The following TAPT1 variants were observed in gnomAD, a reference collection of about 807,000 sequenced individuals.
The protein encoded by TAPT1 is transmembrane anterior posterior transformation protein 1 homolog.
TAPT1 carries 28 observed loss-of-function variants against 65.6 expected under a neutral mutation model. That is an observed-to-expected ratio of 0.43 (90% confidence interval 0.32 to 0.59). The LOEUF (loss-of-function observed/expected upper bound fraction) is 0.59. TAPT1 is among the 20% of genes least tolerant of loss of function. TAPT1 has a pLI of 0.09. For synonymous variants in TAPT1, 278 were observed against 245.2 expected, an observed-to-expected ratio of 1.13 and a Z score of -1.25; for missense variants, 563 against 679.9, an observed-to-expected ratio of 0.83 and a Z score of 1.91.
chr4:16,194,832 C>T (rs1262611391), intron 3 of TAPT1, among the ~76,000 whole-genome samples: 2 of 151,034 alleles, frequency 1.3e-5, no homozygotes, highest in African/African-American at 4.9e-5. Flanking sequence ...GAAGCAGAAC[C>T]TTTAAAAAAC....
chr4:16,215,997 TC>T (rs2108892685), intron 1 of TAPT1: 1 of 152,356 alleles, frequency 6.6e-6, no homozygotes, highest in African/African-American at 2.4e-5. Flanking sequence ...AAGTATCAGT[TC>T]TTTCATGTAA....
chr4:16,168,612 C>T (rs1186159293), intron 12 of TAPT1, among the ~76,000 whole-genome samples: 2 of 152,248 alleles, frequency 1.3e-5, no homozygotes, highest in Admixed American at 6.5e-5. Flanking sequence ...CCTGCCCTGG[C>T]CACCCTCTAA....
intron 1 of TAPT1, among the ~76,000 whole-genome samples, chr4:16,222,652 T>C (rs1258370683): frequency 6.6e-6 from 1 of 152,224 alleles, no homozygotes; most frequent in East Asian, 1.9e-4. Context: ...GTAATATGAA[T>C]AGTTAAAACC....
intron 7 of TAPT1, among the ~76,000 whole-genome samples, chr4:16,181,709 A>C (rs1748721364): frequency 6.6e-6 from 1 of 152,182 alleles, no homozygotes; most frequent in Non-Finnish European, 1.5e-5. Context: ...CTGGGATTAC[A>C]GGCATGTGCC....
In TAPT1 at chr4:16,200,073, T is replaced by C. The variant is rs909325215; in HGVS notation, c.449+2389A>G. Reference sequence around the variant, plus strand: ...CTGGCAAATCACCACTGTTACTTAGTATACCTCATACGTGTGCTAACCAAT... The same window carrying C: ...CTGGCAAATCACCACTGTTACTTAGCATACCTCATACGTGTGCTAACCAAT... On this transcript the variant is annotated intron_variant, in intron 3 of 13. Coordinates refer to ENST00000405303, the MANE Select transcript of TAPT1 (RefSeq NM_153365.3). Among the ~76,000 whole-genome samples the C allele has an allele frequency of 2.6e-5, 4 of 152,176 alleles. No individual in the cohort carries two copies. The South Asian group carries it at 8.3e-4, about 32-fold the overall frequency.
intron 7 of TAPT1, 131 bp from the exon 8 acceptor site, chr4:16,179,788 TTATA>T (rs757324466): frequency 4.6e-6 from 2 of 431,726 alleles, no homozygotes; most frequent in South Asian, 4.1e-5. Context: ...ATATACAACT[TTATA>T]TATATATATA....
At chr4:16,218,124 C>T (rs933752853) in intron 1 of TAPT1, among the ~76,000 whole-genome samples, 6 of 152,194 alleles carry the variant, frequency 3.9e-5, no homozygotes, top group African/African-American at 1.2e-4. Flanking sequence ...TATTTGGGGC[C>T]GGGCATAGTG....
At chr4:16,204,368 TG>T (rs2149705608) in intron 2 of TAPT1, among the ~76,000 whole-genome samples, 1 of 152,344 alleles carries the variant, frequency 6.6e-6, no homozygotes, top group East Asian at 1.9e-4. Context: ...GGGAACACAC[TG>T]GGAAGTTCTT....
At chr4:16,203,468 A>G (rs1750164289) in intron 2 of TAPT1, among the ~76,000 whole-genome samples, 1 of 152,202 alleles carries the variant, frequency 6.6e-6, no homozygotes, top group South Asian at 2.1e-4. Context: ...AGGTAATTTA[A>G]GTTCCTATGT....
intron 11 of TAPT1, among the ~76,000 whole-genome samples, chr4:16,171,840 G>T (rs1004032683): frequency 1.8e-4 from 27 of 152,224 alleles, no homozygotes; most frequent in African/African-American, 6.3e-4. Context: ...CATATTATCA[G>T]TTAACTTTTA....
intron 4 of TAPT1, among the ~76,000 whole-genome samples, chr4:16,189,481 C>G (rs1289652488): frequency 2.6e-5 from 4 of 152,196 alleles, no homozygotes; most frequent in African/African-American, 9.7e-5. Flanking sequence ...ATTTAGGGAG[C>G]TCCTACCATG....
intron 4 of TAPT1, chr4:16,190,866 C>T (rs1321563833): frequency 1.3e-5 from 2 of 155,022 alleles, no homozygotes; most frequent in African/African-American, 4.8e-5. Flanking sequence ...TTTATTTACC[C>T]TATGTAAAGA....
rs1004014520 is a variant in TAPT1 at position 16,166,706 on chromosome 4, C to G, written c.1401G>C (p.Leu467=). 6.2e-7 allele frequency: 1 copy of G among 1,613,978 alleles called. No individual in the cohort carries two copies. The highest frequency in any genetic ancestry group is 8.5e-7 in the Non-Finnish European group (1 of 1,179,892). The change falls in exon 13 of 14, where the codon CTG becomes CTC. Residue 467 remains leucine, a synonymous_variant. Coordinates refer to ENST00000405303, the MANE Select transcript of TAPT1 (RefSeq NM_153365.3). The part of the protein sequence containing the change: ...YVKEAKMEEK[L]SNPPATCTPG... ...GAGTGCAGGTTGCGGGAGGATTCGA[C>G]AGCTTCTCTTCCATTTTGGCTTCCT...
At chr4:16,224,148 T>G (rs887113186) in intron 1 of TAPT1, among the ~76,000 whole-genome samples, 1 of 152,170 alleles carries the variant, frequency 6.6e-6, no homozygotes, top group Admixed American at 6.5e-5. Context: ...CTAGTTTGAT[T>G]CAGGGAGAAA....
intron 11 of TAPT1, among the ~76,000 whole-genome samples, chr4:16,171,195 T>C (rs535771115): frequency 6.6e-6 from 1 of 152,316 alleles, no homozygotes; most frequent in East Asian, 1.9e-4. Flanking sequence ...CTTTCTTCTT[T>C]GACTCTTTTA....
chr4:16,176,246 A>G lies in TAPT1; in HGVS notation c.998-18T>C. ...GAGATGATCTGTAAATAGAAAAAAG[A>G]AAAACAACGAAATATCTTAATATGA... is the stretch of plus-strand genomic sequence containing the variant. On this transcript the variant is annotated intron_variant, in intron 8 of 13. Transcript: ENST00000405303. 1 of 1,287,756 alleles carries G rather than the reference A, an allele frequency of 7.8e-7. No individual in the cohort carries two copies. Among genetic ancestry groups the G allele is most frequent in the Non-Finnish European group, 1.1e-6 (1 of 930,228 alleles). The allele number at this position is 1,287,756 out of a possible 1,614,324, so 79.8% of individuals were successfully genotyped here. A position where few individuals can be genotyped will look rare whatever the true frequency, so the allele number is the denominator to read the frequency against.
At chr4:16,208,701 T>C (rs1578471194) in intron 2 of TAPT1, among the ~76,000 whole-genome samples, 2 of 152,236 alleles carry the variant, frequency 1.3e-5, no homozygotes, top group Non-Finnish European at 2.9e-5. Context: ...TCTTTTCTTC[T>C]AGATTTGTTG....
Position 16,202,726 on chromosome 4 carries a change from C to T in TAPT1, c.331-146G>A, listed in dbSNP as rs35899968. 149,744 of 516,336 alleles carry T rather than the reference C, an allele frequency of 0.29. 23,654 individuals are homozygous for T. The highest frequency in any genetic ancestry group is 0.33 in the East Asian group (9,298 of 28,348). 32.0% of individuals were successfully genotyped at this position (516,336 alleles called of 1,614,324 possible). A position where few individuals can be genotyped will look rare whatever the true frequency, so the allele number is the denominator to read the frequency against. On this transcript the variant is annotated intron_variant, in intron 2 of 13. Transcript: ENST00000405303. ...TGGGAATAACAAATTAACAGTTCTT[C>T]TCTTCAAAGAGTGAGTCTGTGCTTC...
intron 9 of TAPT1, among the ~76,000 whole-genome samples, chr4:16,175,589 A>T (rs1359353965): frequency 6.6e-6 from 1 of 152,190 alleles, no homozygotes; most frequent in Non-Finnish European, 1.5e-5. Flanking sequence ...TTTATATGCA[A>T]TAAATCTATA....
Sources: gnomAD v4.1 joint callset for allele counts (sites outside exome capture counted in the v4.1 genomes callset) on GRCh38, gnomAD v4.1.1 for gene constraint, MANE v1.5 for transcripts, NCBI Gene and HGNC (gene_info 2026-07-23, HGNC 2026-07-21) for gene names.